The following UBR4 variants were observed in gnomAD, a reference collection of about 807,000 sequenced individuals.
UBR4 encodes E3 ubiquitin-protein ligase UBR4.
UBR4 carries 124 observed loss-of-function variants against 575.6 expected under a neutral mutation model. The ratio of observed to expected loss-of-function variants is 0.22; its 90% CI spans 0.19 to 0.25. The LOEUF (loss-of-function observed/expected upper bound fraction) is 0.25. Among genes scored for constraint, UBR4 ranks in the 10% least tolerant of loss-of-function variants. UBR4 has a pLI of 1.00. For synonymous variants in UBR4, 2,455 were observed against 2,473.7 expected (o/e 0.99, Z 0.22); for missense variants, 4,818 against 6,478.8 (o/e 0.74, Z 8.80).
intron 48 of UBR4, 75 bp from the exon 49 acceptor site, chr1:19,150,868 G>T: frequency 6.9e-7 from 1 of 1,450,324 alleles, no homozygotes; most frequent in Non-Finnish European, 9.5e-7. Flanking sequence ...GACCAGAACA[G>T]TTGGAGCAAA....
chr1:19,133,762 A>G (rs2082818632), intron 60 of UBR4, among the ~76,000 whole-genome samples: 1 of 151,676 alleles, frequency 6.6e-6, no homozygotes, highest in Admixed American at 6.6e-5. Flanking sequence ...AGCTTGGGCA[A>G]TAGTGAGATG....
intron 77 of UBR4, 36 bp downstream of exon 77, chr1:19,113,663 A>T: frequency 6.2e-7 from 1 of 1,612,176 alleles, no homozygotes; most frequent in Non-Finnish European, 8.5e-7. Context: ...TAACACTTGG[A>T]CAAAACACAC....
chr1:19,078,081 C>G lies in UBR4; in HGVS notation c.15234-15G>C. The G allele has an allele frequency of 6.2e-7, 1 of 1,612,836 alleles. No individual in the cohort carries two copies. The highest frequency in any genetic ancestry group is 8.5e-7 in the Non-Finnish European group (1 of 1,179,320). ...TATCTGTCAGCCTGGAAAAGAAAAT[C>G]CAGTTCCATCACATGAAGTCCCTAG... On this transcript the variant is annotated splice_polypyrimidine_tract_variant and intron_variant, in intron 103 of 105. Transcript: ENST00000375254.
intron 55 of UBR4, among the ~76,000 whole-genome samples, chr1:19,142,435 T>A (rs2084055232): frequency 6.6e-6 from 1 of 152,224 alleles, no homozygotes; most frequent in Non-Finnish European, 1.5e-5. Context: ...CTAAAGCTTG[T>A]AAATATGTCC....
At chr1:19,108,787 G>T (rs1324534370) in intron 81 of UBR4, among the ~76,000 whole-genome samples, 1 of 152,128 alleles carries the variant, frequency 6.6e-6, no homozygotes, top group Admixed American at 6.6e-5. Context: ...ACAGTCTCAA[G>T]AACACCCCGG....
At chr1:19,127,770 C>T (rs1253745270) in intron 62 of UBR4, 31 bp from the exon 63 acceptor site, 17 of 1,572,086 alleles carry the variant, frequency 1.1e-5, no homozygotes, top group Middle Eastern at 3.3e-4. Context: ...CCAGAAACCT[C>T]TACTTACTCG....
Position 19,117,864 on chromosome 1 carries a change from C to T in UBR4, c.10588G>A (p.Asp3530Asn), listed in dbSNP as rs1323427765. The T allele has an allele frequency of 1.9e-5, 31 of 1,614,170 alleles. No individual in the cohort carries two copies. Among genetic ancestry groups the T allele is most frequent in the African/African-American group, 2.7e-5 (2 of 75,050 alleles). The change falls in exon 72 of 106, where the codon GAT becomes AAT. Residue 3530 changes from aspartate (D) to asparagine (N), a missense_variant. Physicochemically the swap from Asp to Asn is conservative, Grantham distance 23. This residue lies in a region of UBR4 where 550 missense variants were observed against 791.5 expected (regional missense o/e 0.69). Coordinates refer to ENST00000375254, the MANE Select transcript of UBR4 (RefSeq NM_020765.3). The surrounding 1 kb of genome is among the most constrained non-coding windows in gnomAD (Gnocchi z 4.0). ...VEFDGYYLES[D>N]PCLVCNNPEV... ...GGGTTATTACACACCAGGCAGGGATCGCTCTCCAGGTAATAGCCATCAAAC... is the reference window on the plus strand; with the variant it reads ...GGGTTATTACACACCAGGCAGGGATTGCTCTCCAGGTAATAGCCATCAAAC...
intron 8 of UBR4, among the ~76,000 whole-genome samples, chr1:19,193,970 T>C (rs1302940925): frequency 1.3e-5 from 2 of 152,200 alleles, no homozygotes; most frequent in Non-Finnish European, 2.9e-5. Flanking sequence ...TGATTCCAAC[T>C]ACATGACATT....
chr1:19,106,775 C>A, intron 82 of UBR4, 49 bp from the exon 83 acceptor site: 1 of 1,600,880 alleles, frequency 6.2e-7, no homozygotes. Flanking sequence ...ATGAGAGTGA[C>A]AGAAGGCAGG....
chr1:19,179,046 C>G lies in UBR4; in HGVS notation c.2354+5G>C. On this transcript the variant is annotated splice_donor_5th_base_variant and intron_variant, in intron 18 of 105. Coordinates refer to ENST00000375254, the MANE Select transcript of UBR4 (RefSeq NM_020765.3). ...TCTATAGGCCTTCTCTTACAGACATCTTACCTGTCCCAAACTTTAAGGCAT... is the reference window on the plus strand; with the variant it reads ...TCTATAGGCCTTCTCTTACAGACATGTTACCTGTCCCAAACTTTAAGGCAT... 1 of 1,612,510 alleles carries G rather than the reference C, an allele frequency of 6.2e-7. No individual in the cohort carries two copies. Among genetic ancestry groups the G allele is most frequent in the South Asian group, 1.1e-5 (1 of 90,834 alleles).
chr1:19,197,323 A>G, intron 7 of UBR4, 58 bp from the exon 8 acceptor site: 1 of 1,608,410 alleles, frequency 6.2e-7, no homozygotes, highest in South Asian at 1.1e-5. Flanking sequence ...CTATAATGTG[A>G]CAGTTAAAGA....
At chr1:19,118,308 AAACTGTC>A (rs2149426610) in intron 71 of UBR4, 1 of 161,778 alleles carries the variant, frequency 6.2e-6, no homozygotes, top group East Asian at 1.8e-4. Context: ...GAGAAATAAT[AAACTGTC>A]AATTTAACCA....
At chr1:19,096,717 A>AT (rs1407563254) in intron 91 of UBR4, 67 bp from the exon 92 acceptor site, 1 of 1,588,370 alleles carries the variant, frequency 6.3e-7, no homozygotes, top group African/African-American at 1.3e-5. Flanking sequence ...ATAGGCCAGG[A>AT]TAAGACAGCC....
intron 99 of UBR4, 127 bp downstream of exon 99, chr1:19,087,689 A>T: frequency 1.5e-6 from 1 of 669,426 alleles, no homozygotes; most frequent in Non-Finnish European, 2.5e-6. Context: ...TCCTTTTGTT[A>T]ATCTCCTAAG....
At chr1:19,158,576 G>T (rs1216704654) in intron 39 of UBR4, among the ~76,000 whole-genome samples, 5 of 151,952 alleles carry the variant, frequency 3.3e-5, no homozygotes, top group Non-Finnish European at 7.4e-5. Flanking sequence ...TCCTGCCTCA[G>T]CCTCCCAGGT....
At position 19,156,304 on chromosome 1, in the gene UBR4, G is replaced by C. The variant is rs372115312; in HGVS notation, c.6039C>G (p.Thr2013=). 4 of 1,614,106 alleles carry C rather than the reference G, an allele frequency of 2.5e-6. No homozygotes were observed. The highest frequency in any genetic ancestry group is 3.4e-6 in the Non-Finnish European group (4 of 1,180,006). The change falls in exon 42 of 106, where the codon ACC becomes ACG. Residue 2013 remains threonine, a synonymous_variant. Transcript: ENST00000375254. ...AGTCTGCGGTGACAATTGCTAACTCGGTCTGTGAACCAGGTAACCACACGG... is the reference window on the plus strand; with the variant it reads ...AGTCTGCGGTGACAATTGCTAACTCCGTCTGTGAACCAGGTAACCACACGG... ...IKAVWLPGSQ[T]ELAIVTADFV...
Position 19,117,895 on chromosome 1 carries a change from T to C in UBR4, c.10557A>G (p.Leu3519=). 1 of 1,614,154 alleles carries C rather than the reference T, an allele frequency of 6.2e-7. No individual in the cohort carries two copies. ...CCAGGTAATAGCCATCAAACTCCACTAAGCCAGACAAAGTGCTAAGGAAGA... is the reference window on the plus strand; with the variant it reads ...CCAGGTAATAGCCATCAAACTCCACCAAGCCAGACAAAGTGCTAAGGAAGA... ...NSNIYNTLSG[L]VEFDGYYLES... The change falls in exon 72 of 106, where the codon TTA becomes TTG. Residue 3519 remains leucine (L), a synonymous_variant. Transcript: ENST00000375254. The surrounding 1 kb of genome is among the most constrained non-coding windows in gnomAD (Gnocchi z 4.0).
chr1:19,129,104 T>C (rs376726535), intron 60 of UBR4, 30 bp from the exon 61 acceptor site: 6 of 1,590,270 alleles, frequency 3.8e-6, no homozygotes, highest in African/African-American at 1.3e-5. Context: ...ATAGAAAATA[T>C]GAGCTGTACT....
In UBR4 at chr1:19,152,266, T is replaced by C. The variant is rs750301416; in HGVS notation, c.6996+47A>G. 2 of 1,607,100 alleles carry C rather than the reference T, an allele frequency of 1.2e-6. No individual in the cohort carries two copies. The highest frequency in any genetic ancestry group is 2.2e-5 in the East Asian group (1 of 44,764). ...AGATGTGTTCTCAAACCATATTGTT[T>C]GAGTCCTTCTACCCAGGGATTGATC... On this transcript the variant is annotated intron_variant, in intron 47 of 105. Transcript: ENST00000375254. This position sits in a 1 kb window ranked among gnomAD's most constrained non-coding sequence, Gnocchi z 4.4.
Sources: allele counts gnomAD v4.1 joint callset (sites outside exome capture counted in the v4.1 genomes callset), GRCh38; gene constraint gnomAD v4.1.1; regional missense constraint gnomAD v4.1.1; non-coding constraint Gnocchi (gnomAD v3.1); transcripts MANE v1.5; gene names NCBI Gene and HGNC (gene_info 2026-07-23, HGNC 2026-07-21).